The following CACNA1E variants were observed in gnomAD, a reference collection of about 807,000 sequenced individuals.
CACNA1E encodes the protein voltage-dependent R-type calcium channel subunit alpha-1E.
In CACNA1E, 40 loss-of-function variants were observed where a neutral mutation model predicts 259.2. The ratio of observed to expected loss-of-function variants is 0.15; its 90% confidence interval spans 0.12 to 0.20. The LOEUF is 0.20. Among genes scored for constraint, CACNA1E ranks in the 10% least tolerant of loss-of-function variants. The pLI, the probability that CACNA1E is intolerant of heterozygous loss-of-function variation, is 1.00. For missense variants in CACNA1E, 1,874 were observed against 3,040.1 expected, an observed-to-expected ratio of 0.62 and a Z score of 9.02; for synonymous variants, 1,104 against 1,138.5, an observed-to-expected ratio of 0.97 and a Z score of 0.61.
intron 12 of CACNA1E, 64 bp from the exon 13 acceptor site, chr1:181,719,687 C>G (rs1037211641): frequency 1.4e-5 from 11 of 809,438 alleles, no homozygotes; most frequent in Admixed American, 2.3e-5. Context: ...GTGTGCTGGG[C>G]GCTAGAATGC....
rs1651269639 is a variant in CACNA1E at position 181,579,130 on chromosome 1, C to T, written c.675C>T (p.Gly225=). ...MKAMVPLLQI[G]LLLFFAILMF... The stretch of plus-strand genomic sequence containing the variant: ...CCATGGTACCTCTTCTGCAGATTGG[C>T]CTTCTGCTCTTCTTTGCCATCCTGA... Residue 225 remains glycine, a synonymous_variant, in exon 5 of 48, where the codon GGC becomes GGT. Transcript: ENST00000367573. The T allele has an allele frequency of 6.2e-7, 1 of 1,613,440 alleles. No individual in the cohort carries two copies. The highest frequency in any genetic ancestry group is 2.2e-5 in the East Asian group (1 of 44,866).
At chr1:181,625,807 G>A (rs1656143844) in intron 6 of CACNA1E, among the ~76,000 whole-genome samples, 5 of 152,304 alleles carry the variant, frequency 3.3e-5, no homozygotes, top group South Asian at 4.1e-4. Context: ...TTTGGTGTAA[G>A]AGGCTTAGTT....
chr1:181,783,568 CCTT>C (rs1660603311), intron 39 of CACNA1E, 108 bp from the exon 40 acceptor site: 1 of 614,746 alleles, frequency 1.6e-6, no homozygotes, highest in South Asian at 2.2e-5. Context: ...GGATCCTTGC[CCTT>C]CTTTTTCGTC....
rs149787908 is a variant in CACNA1E at position 181,646,289 on chromosome 1, C to T, written c.952-5049C>T. 5.3e-5 allele frequency among the ~76,000 whole-genome samples: 8 copies of T among 152,260 alleles called. No homozygotes were observed. In the East Asian group the frequency reaches 1.5e-3, roughly 29 times the overall value. On this transcript the variant is annotated intron_variant, in intron 6 of 47. Transcript: ENST00000367573. ...GTTGCATCTGGAGAAGTACTAGTGG[C>T]CTCTAATGGGTAGAGGCCAGGAATG...
chr1:181,435,576 A>G (rs1377630668), intron 2 of CACNA1E, among the ~76,000 whole-genome samples: 1 of 152,110 alleles, frequency 6.6e-6, no homozygotes, highest in East Asian at 1.9e-4. Context: ...TTCTCAGAGG[A>G]CTTTCCTGAC....
intron 6 of CACNA1E, among the ~76,000 whole-genome samples, chr1:181,596,820 C>A (rs1486183562): frequency 6.6e-6 from 1 of 151,968 alleles, no homozygotes; most frequent in Non-Finnish European, 1.5e-5. Flanking sequence ...TAAAAGTTTC[C>A]AACATTGTTA....
chr1:181,638,237 T>C (rs940584206), intron 6 of CACNA1E, among the ~76,000 whole-genome samples: 1 of 152,214 alleles, frequency 6.6e-6, no homozygotes, highest in African/African-American at 2.4e-5. Flanking sequence ...CTTCCAACCT[T>C]ATCTGACATC....
intron 21 of CACNA1E, among the ~76,000 whole-genome samples, chr1:181,734,491 T>G (rs193302472): frequency 7.3e-6 from 1 of 137,846 alleles, no homozygotes; most frequent in Non-Finnish European, 1.6e-5. Context: ...ACCCCACAGC[T>G]CATCCCTGCA....
rs148456661 is a variant in CACNA1E at position 181,736,082 on chromosome 1, G to A, written c.3263-193G>A. Among the ~76,000 whole-genome samples, 5 of 152,218 alleles carry A rather than the reference G, an allele frequency of 3.3e-5. No individual in the cohort carries two copies. The East Asian group carries it at 7.7e-4, about 24-fold the overall frequency. On this transcript the variant is annotated intron_variant, in intron 21 of 47. Coordinates refer to ENST00000367573, the MANE Select transcript of CACNA1E (RefSeq NM_001205293.3). ...GTTATTTCTCATAACATTTGGGGAG[G>A]GTAAAAATAAGAAGAGAAGAGGAGT...
At chr1:181,506,341 C>T (rs149182143) in intron 1 of CACNA1E, among the ~76,000 whole-genome samples, 7 of 152,112 alleles carry the variant, frequency 4.6e-5, no homozygotes, top group East Asian at 1.9e-4. Flanking sequence ...GTTTTGCTGT[C>T]GGGAAGAAAT....
chr1:181,328,007 C>T (rs970289984), intron 1 of CACNA1E, among the ~76,000 whole-genome samples: 7 of 152,350 alleles, frequency 4.6e-5, no homozygotes, highest in Admixed American at 2.0e-4. Context: ...CACGATTTCA[C>T]GTCCTCAGAG....
At chr1:181,661,339 G>C (rs1273930360) in intron 7 of CACNA1E, among the ~76,000 whole-genome samples, 1 of 152,226 alleles carries the variant, frequency 6.6e-6, no homozygotes. Context: ...CAGAGAAGCA[G>C]CGGGGCTGAA....
At position 181,732,298 on chromosome 1, in the gene CACNA1E, C is replaced by T. The variant is rs1655560989; in HGVS notation, c.2298-86C>T. 1.4e-6 allele frequency: 2 copies of T among 1,442,206 alleles called. No homozygotes were observed. Among genetic ancestry groups the T allele is most frequent in the Non-Finnish European group, 1.8e-6 (2 of 1,100,458 alleles). 89.3% of individuals were successfully genotyped at this position (1,442,206 alleles called of 1,614,324 possible). Reference sequence around the variant, plus strand: ...CTCCCATTTGCCCCCACCATGTGTCCTGCCCTCTCACATGGCCCCTGTGGC... The same window carrying T: ...CTCCCATTTGCCCCCACCATGTGTCTTGCCCTCTCACATGGCCCCTGTGGC... On this transcript the variant is annotated intron_variant, in intron 19 of 47. Transcript: ENST00000367573. This position sits in a 1 kb window ranked among gnomAD's most constrained non-coding sequence, Gnocchi z 5.5.
At chr1:181,425,508 A>G (rs1659100970) in intron 2 of CACNA1E, among the ~76,000 whole-genome samples, 1 of 150,324 alleles carries the variant, frequency 6.7e-6, no homozygotes, top group African/African-American at 2.5e-5. Context: ...AAAAATATTT[A>G]TGAAATTGCT....
chr1:181,678,166 C>G (rs1464814663), intron 7 of CACNA1E, among the ~76,000 whole-genome samples: 1 of 152,202 alleles, frequency 6.6e-6, no homozygotes, highest in South Asian at 2.1e-4. Flanking sequence ...CATGAGGGCT[C>G]TAGTGGTGCC....
At position 181,656,962 on chromosome 1, in the gene CACNA1E, G is replaced by A. The variant is rs570568102; in HGVS notation, c.1055+5521G>A. 3.9e-5 allele frequency among the ~76,000 whole-genome samples: 6 copies of A among 152,230 alleles called. No homozygotes were observed. In the East Asian group the frequency reaches 5.8e-4, roughly 15 times the overall value. Reference sequence around the variant, plus strand: ...GGCTATACCATCTAGGTCTGTGTAAGTACACATTCTGGTGTTCACACAACA... The same window carrying A: ...GGCTATACCATCTAGGTCTGTGTAAATACACATTCTGGTGTTCACACAACA... On this transcript the variant is annotated intron_variant, in intron 7 of 47. Coordinates refer to ENST00000367573, the MANE Select transcript of CACNA1E (RefSeq NM_001205293.3).
chr1:181,719,924 T>TTA, intron 13 of CACNA1E, 61 bp downstream of exon 13: 2 of 970,034 alleles, frequency 2.1e-6, no homozygotes, highest in South Asian at 3.1e-5. Context: ...TTTTTCTGCC[T>TTA]TATATTTTCT....
At chr1:181,561,926 T>A (rs550746501) in intron 3 of CACNA1E, among the ~76,000 whole-genome samples, 96 of 152,188 alleles carry the variant, frequency 6.3e-4, no homozygotes, top group Middle Eastern at 3.2e-3. Context: ...GTTTGGTTTG[T>A]TTTTAGCCTT....
At chr1:181,788,166 T>C (rs1445797317) in intron 43 of CACNA1E, among the ~76,000 whole-genome samples, 1 of 152,170 alleles carries the variant, frequency 6.6e-6, no homozygotes, top group East Asian at 1.9e-4. Flanking sequence ...AGAAATTTGG[T>C]AGATAAGACT....
Sources: allele counts gnomAD v4.1 joint callset (sites outside exome capture counted in the v4.1 genomes callset), GRCh38; gene constraint gnomAD v4.1.1; non-coding constraint Gnocchi (gnomAD v3.1); transcripts MANE v1.5; gene names NCBI Gene and HGNC (gene_info 2026-07-23, HGNC 2026-07-21).